PDK2: variants seen among roughly 807,000 people sequenced by gnomAD.
The protein encoded by PDK2 is pyruvate dehydrogenase kinase 2.
PDK2 carries 34 observed loss-of-function variants against 50.4 expected under a neutral mutation model. The ratio of observed to expected loss-of-function variants is 0.68; its 90% CI spans 0.51 to 0.90. The LOEUF (loss-of-function observed/expected upper bound fraction) is 0.90. PDK2 is among the 40% of genes least tolerant of loss of function. The pLI is 0.00. For synonymous variants in PDK2, 232 were observed against 216.0 expected, an observed-to-expected ratio of 1.07 and a Z score of -0.65; for missense variants, 377 against 544.5, an observed-to-expected ratio of 0.69 and a Z score of 3.06.
In PDK2 at chr17:50,108,706, G is replaced by GA; in HGVS notation, c.956_957insA (p.Thr321AsnfsTer246). ...GCACCCACCCCCCAGCCTGGCACCG[G>GA]GGGAACGCCGCTGGTGAGATGGCTT... On this transcript the variant is annotated frameshift_variant, in exon 9 of 11. Transcript: ENST00000503176. LOFTEE classifies it high-confidence loss of function. 1.9e-6 allele frequency: 3 copies of GA among 1,610,274 alleles called. No individual in the cohort carries two copies. Among genetic ancestry groups the GA allele is most frequent in the Non-Finnish European group, 2.5e-6 (3 of 1,177,894 alleles).
At position 50,095,386 on chromosome 17, in the gene PDK2, C is replaced by T; in HGVS notation, c.-50C>T. ...CCGCGTCGCTGGGCCGAAAGGTGCGCGAGCGCTGCCCGCGCGGGGACCACA... is the reference window on the plus strand; with the variant it reads ...CCGCGTCGCTGGGCCGAAAGGTGCGTGAGCGCTGCCCGCGCGGGGACCACA... On this transcript the variant is annotated 5_prime_UTR_variant, in exon 1 of 11. Coordinates refer to ENST00000503176, the MANE Select transcript of PDK2 (RefSeq NM_002611.5). 5 of 1,392,470 alleles carry T rather than the reference C, an allele frequency of 3.6e-6. No individual in the cohort carries two copies. Among genetic ancestry groups the T allele is most frequent in the South Asian group, 1.2e-5 (1 of 82,644 alleles). 86.3% of individuals were successfully genotyped at this position (1,392,470 alleles called of 1,614,324 possible). A position where few individuals can be genotyped will look rare whatever the true frequency, so the allele number is the denominator to read the frequency against.
intron 1 of PDK2, among the ~76,000 whole-genome samples, chr17:50,096,899 G>A (rs571275667): frequency 1.3e-5 from 2 of 152,228 alleles, no homozygotes; most frequent in Non-Finnish European, 2.9e-5. Flanking sequence ...TCTCAGGCCC[G>A]TTTGCCCCAT....
chr17:50,104,213 C>T (rs1178683721), intron 2 of PDK2: 2 of 152,258 alleles, frequency 1.3e-5, no homozygotes, highest in Non-Finnish European at 2.9e-5. Flanking sequence ...GTGGACCTGA[C>T]TCCCTTGCAG....
intron 1 of PDK2, chr17:50,096,381 C>T (rs1909947559): frequency 2.5e-6 from 2 of 796,172 alleles, no homozygotes; most frequent in Non-Finnish European, 1.5e-6. Context: ...TGTGTGGGCC[C>T]TGTCTGTCTA....
rs1043285678 is a variant in PDK2 at position 50,101,643 on chromosome 17, C to T, written c.261-3728C>T. ...AATTACACACACTCCCCCGCTGGCT[C>T]AGCACCCCCTCTGCTCCCACACAGG... On this transcript the variant is annotated intron_variant, in intron 2 of 10. Coordinates refer to ENST00000503176, the MANE Select transcript of PDK2 (RefSeq NM_002611.5). This position sits in a 1 kb window ranked among gnomAD's most constrained non-coding sequence, Gnocchi z 4.2. 2.6e-5 allele frequency among the ~76,000 whole-genome samples: 4 copies of T among 152,168 alleles called. No homozygotes were observed. The highest frequency in any genetic ancestry group is 5.9e-5 in the Non-Finnish European group (4 of 68,026).
rs146392615 is a variant in PDK2 at position 50,108,414 on chromosome 17, C to G, written c.858C>G (p.Ile286Met). Residue 286 changes from isoleucine to methionine, a missense_variant, in exon 8 of 11, where the codon ATC becomes ATG. Around this residue, in one of 3 missense-constraint regions of PDK2, gnomAD observed 214 missense variants for 294.0 expected, o/e 0.73. Transcript: ENST00000503176. ...CCTTGGGTGAGGAAGATCTGTCCAT[C>G]AAGGTATGTGACCCTTTGACCTTGG... is the stretch of plus-strand genomic sequence containing the variant. ...MVALGEEDLS[I>M]KMSDRGGGVP... 1 of 1,611,154 alleles carries G rather than the reference C, an allele frequency of 6.2e-7. No homozygotes were observed. Among genetic ancestry groups the G allele is most frequent in the Non-Finnish European group, 8.5e-7 (1 of 1,177,330 alleles).
chr17:50,108,017 A>G, intron 6 of PDK2, 139 bp from the exon 7 acceptor site: 2 of 689,356 alleles, frequency 2.9e-6, no homozygotes, highest in South Asian at 3.4e-5. Flanking sequence ...CCCCAGCTCA[A>G]GGGAGGCTGG....
Position 50,111,532 on chromosome 17 carries a change from C to A in PDK2, c.*1435C>A. 1 of 152,386 alleles carries A rather than the reference C, an allele frequency of 6.6e-6. No homozygotes were observed. The highest frequency in any genetic ancestry group is 1.5e-5 in the Non-Finnish European group (1 of 68,082). 9.4% of individuals were successfully genotyped at this position (152,386 alleles called of 1,614,324 possible). A position where few individuals can be genotyped will look rare whatever the true frequency, so the allele number is the denominator to read the frequency against. ...ACAGATAGCAGAGGGGGGATAAGGGCTGAGTCCCAGGTACAGGGTGCTGGC... is the reference window on the plus strand; with the variant it reads ...ACAGATAGCAGAGGGGGGATAAGGGATGAGTCCCAGGTACAGGGTGCTGGC... On this transcript the variant is annotated 3_prime_UTR_variant, in exon 11 of 11. Coordinates refer to ENST00000503176, the MANE Select transcript of PDK2 (RefSeq NM_002611.5).
intron 4 of PDK2, chr17:50,106,562 T>C (rs1910527497): frequency 3.4e-6 from 2 of 580,844 alleles, no homozygotes; most frequent in Non-Finnish European, 6.1e-6. Flanking sequence ...GAGAGACCTC[T>C]GAAAAGACGT....
chr17:50,097,974 A>G (rs149271638), intron 2 of PDK2, among the ~76,000 whole-genome samples: 38 of 152,360 alleles, frequency 2.5e-4, no homozygotes, highest in African/African-American at 8.7e-4. Flanking sequence ...TTTCAAATAC[A>G]TTATATAACC....
chr17:50,097,656 A>G, intron 2 of PDK2, 92 bp downstream of exon 2: 1 of 1,491,258 alleles, frequency 6.7e-7, no homozygotes, highest in South Asian at 1.2e-5. Context: ...AGCAGCTTTG[A>G]GGGTGGGGTG....
intron 2 of PDK2, among the ~76,000 whole-genome samples, chr17:50,102,102 A>C (rs1287208365): frequency 6.6e-6 from 1 of 152,132 alleles, no homozygotes; most frequent in East Asian, 1.9e-4. Context: ...ACTCGTCCCC[A>C]ATCTCCCTTC....
chr17:50,106,680 G>A lies in PDK2; in HGVS notation c.518-114G>A, dbSNP rs911839749. 4.8e-6 allele frequency: 4 copies of A among 837,374 alleles called. No homozygotes were observed. In the African/African-American group the frequency reaches 6.7e-5, roughly 14 times the overall value. The allele number at this position is 837,374 out of a possible 1,614,324, so 51.9% of individuals were successfully genotyped here. On this transcript the variant is annotated intron_variant, in intron 4 of 10. Transcript: ENST00000503176. ...GGGGAGTGGGGCAGCTTTAGGACTG[G>A]AGCCTACAGAGGCATTGGAGGTGAA... is the stretch of plus-strand genomic sequence containing the variant.
rs2144372506 is a variant in PDK2 at position 50,108,249 on chromosome 17, C to A, written c.762+17C>A. ...CTCTTCAAGGTGAGGAGGCTGGGAG[C>A]CGGTGCTTTGCGGGGAGCGTGAGTA... On this transcript the variant is annotated intron_variant, in intron 7 of 10. Transcript: ENST00000503176. The A allele has an allele frequency of 6.2e-7, 1 of 1,601,476 alleles. No homozygotes were observed. Among genetic ancestry groups the A allele is most frequent in the Non-Finnish European group, 8.5e-7 (1 of 1,172,666 alleles).
chr17:50,095,786 T>C, intron 1 of PDK2: 1 of 1,368,584 alleles, frequency 7.3e-7, no homozygotes, highest in Non-Finnish European at 9.4e-7. Flanking sequence ...GGTTTCTTCG[T>C]GGGCCTCATG....
intron 3 of PDK2, among the ~76,000 whole-genome samples, chr17:50,105,652 G>A (rs12943522): frequency 3.3e-5 from 5 of 152,144 alleles, no homozygotes; most frequent in South Asian, 2.1e-4. Context: ...CCCTGAGCCC[G>A]GTGGGCAAGA....
upstream of PDK2, chr17:50,095,263 T>C (rs1909867763): frequency 1.8e-6 from 1 of 551,954 alleles, no homozygotes. Context: ...CCGGAGTTGT[T>C]TGTGAGTGGC....
intron 4 of PDK2, 140 bp downstream of exon 4, chr17:50,106,209 G>C: frequency 6.8e-7 from 1 of 1,462,096 alleles, no homozygotes; most frequent in South Asian, 1.4e-5. Flanking sequence ...AGTAACTATG[G>C]AGTTAATGGC....
intron 2 of PDK2, 58 bp from the exon 3 acceptor site, chr17:50,105,313 G>A (rs1051661684): frequency 7.6e-6 from 10 of 1,318,898 alleles, no homozygotes; most frequent in Non-Finnish European, 1.0e-5. Context: ...GAATGAAGTG[G>A]GTGAGGAGGG....
Sources: gnomAD v4.1 joint callset for allele counts (sites outside exome capture counted in the v4.1 genomes callset) on GRCh38, gnomAD v4.1.1 for gene constraint, gnomAD v4.1.1 regional missense constraint, Gnocchi (gnomAD v3.1) non-coding constraint, MANE v1.5 for transcripts, NCBI Gene and HGNC (gene_info 2026-07-23, HGNC 2026-07-21) for gene names.